Variants in MSH3 observed in about 807,000 individuals in gnomAD.
MSH3 encodes mutS homolog 3.
In MSH3, 106 loss-of-function variants were observed where a neutral mutation model predicts 123.3. The observed-to-expected ratio is 0.86, with a 90% CI of 0.73 to 1.01. The LOEUF (loss-of-function observed/expected upper bound fraction) is 1.01. Among genes scored for constraint, MSH3 ranks in the 50% least tolerant of loss-of-function variants. The pLI is 0.00. For missense variants in MSH3, 1,459 were observed against 1,347.6 expected (o/e 1.08, Z -1.29); for synonymous variants, 515 against 481.4 (o/e 1.07, Z -0.91).
intron 12 of MSH3, among the ~76,000 whole-genome samples, chr5:80,747,750 C>G (rs1186591332): frequency 6.6e-6 from 1 of 152,106 alleles, no homozygotes; most frequent in Non-Finnish European, 1.5e-5. Context: ...CAAATACTTA[C>G]CATTGTGTTA....
intron 21 of MSH3, among the ~76,000 whole-genome samples, chr5:80,859,185 A>G (rs1232099150): frequency 6.6e-6 from 1 of 152,078 alleles, no homozygotes; most frequent in East Asian, 1.9e-4. Flanking sequence ...CAGTGGTACA[A>G]TCTCAGCTCA....
chr5:80,778,271 T>C (rs1044638190), intron 16 of MSH3, among the ~76,000 whole-genome samples: 4 of 152,202 alleles, frequency 2.6e-5, no homozygotes, highest in African/African-American at 9.7e-5. Context: ...TTCTTTGTAA[T>C]GCTTTTTTAT....
intron 13 of MSH3, among the ~76,000 whole-genome samples, chr5:80,765,284 T>C (rs574930180): frequency 5.3e-5 from 8 of 152,142 alleles, no homozygotes; most frequent in Non-Finnish European, 1.2e-4. Flanking sequence ...ATATTGAAAA[T>C]GTTTGTGTTT....
chr5:80,668,580 A>G (rs1028490644), intron 3 of MSH3, among the ~76,000 whole-genome samples: 16 of 152,192 alleles, frequency 1.1e-4, no homozygotes, highest in South Asian at 4.1e-4. Flanking sequence ...CCAGGTTGCA[A>G]CAGTTCCTAG....
chr5:80,872,075 A>G (rs1471868112), intron 22 of MSH3, among the ~76,000 whole-genome samples: 1 of 152,230 alleles, frequency 6.6e-6, no homozygotes, highest in Non-Finnish European at 1.5e-5. Flanking sequence ...AGAATCCGGT[A>G]TGTATAGCTC....
intron 20 of MSH3, among the ~76,000 whole-genome samples, chr5:80,833,527 C>T (rs2112081511): frequency 6.6e-6 from 1 of 152,326 alleles, no homozygotes; most frequent in African/African-American, 2.4e-5. Flanking sequence ...ACTGCAACCT[C>T]CACCTCCCGG....
intron 20 of MSH3, among the ~76,000 whole-genome samples, chr5:80,834,482 ATATT>A (rs1296961103): frequency 6.7e-5 from 10 of 149,832 alleles, no homozygotes; most frequent in African/African-American, 1.9e-4. Flanking sequence ...TATGTTATAT[ATATT>A]TATCATAATT....
At chr5:80,753,591 A>G (rs540861366) in intron 12 of MSH3, among the ~76,000 whole-genome samples, 155 of 152,340 alleles carry the variant, frequency 1.0e-3, no homozygotes, top group African/African-American at 3.7e-3. Flanking sequence ...GTGTTCGTTA[A>G]CACAAAAGGC....
At chr5:80,811,771 T>C (rs562498312) in intron 19 of MSH3, among the ~76,000 whole-genome samples, 1 of 150,932 alleles carries the variant, frequency 6.6e-6, no homozygotes, top group Non-Finnish European at 1.5e-5. Flanking sequence ...AAAAAGGAGA[T>C]AGACATATTA....
chr5:80,763,760 T>G (rs1298186707), intron 13 of MSH3, among the ~76,000 whole-genome samples: 1 of 152,248 alleles, frequency 6.6e-6, no homozygotes, highest in Non-Finnish European at 1.5e-5. Context: ...CTTCCTGCCT[T>G]TTTGTAAACT....
chr5:80,835,005 AATGATTACT>A (rs1745484290), intron 20 of MSH3, among the ~76,000 whole-genome samples: 2 of 152,214 alleles, frequency 1.3e-5, no homozygotes, highest in Non-Finnish European at 2.9e-5. Context: ...AGGAGTATAA[AATGATTACT>A]AAGAACTTGT....
intron 20 of MSH3, among the ~76,000 whole-genome samples, chr5:80,822,827 T>C (rs1745224203): frequency 1.3e-5 from 2 of 152,236 alleles, no homozygotes; most frequent in African/African-American, 4.8e-5. Context: ...TCATGGAAGA[T>C]GCACATCCTC....
chr5:80,710,326 GA>G (rs1750834114), intron 8 of MSH3, among the ~76,000 whole-genome samples: 1 of 152,176 alleles, frequency 6.6e-6, no homozygotes, highest in South Asian at 2.1e-4. Context: ...AGCCTCTCAG[GA>G]AAAACACAGA....
At chr5:80,677,643 T>C (rs926739564) in intron 7 of MSH3, among the ~76,000 whole-genome samples, 1 of 152,186 alleles carries the variant, frequency 6.6e-6, no homozygotes, top group African/African-American at 2.4e-5. Flanking sequence ...GTCCATTCCC[T>C]CCAGAGGTGT....
chr5:80,742,874 G>A (rs769175364), intron 11 of MSH3, among the ~76,000 whole-genome samples: 16 of 152,078 alleles, frequency 1.1e-4, no homozygotes, highest in African/African-American at 1.7e-4. Flanking sequence ...TGCTTCTGCC[G>A]CATCTTCCCT....
At chr5:80,730,921 T>A (rs1466012564) in intron 10 of MSH3, among the ~76,000 whole-genome samples, 1 of 148,086 alleles carries the variant, frequency 6.8e-6, no homozygotes, top group African/African-American at 2.5e-5. Context: ...TTTTTTTTTT[T>A]AGATGGAGTC....
intron 15 of MSH3, 109 bp downstream of exon 15, chr5:80,769,112 T>G (rs569591728): frequency 2.1e-6 from 2 of 974,028 alleles, no homozygotes; most frequent in South Asian, 3.1e-5. Flanking sequence ...TTTTCAAATT[T>G]TCTGTTTTAT....
chr5:80,792,226 GACA>G (rs1242235738), intron 18 of MSH3, among the ~76,000 whole-genome samples: 1 of 151,838 alleles, frequency 6.6e-6, no homozygotes, highest in Non-Finnish European at 1.5e-5. Flanking sequence ...TTTGATCTCA[GACA>G]ACAATAGAAA....
chr5:80,781,691 C>T (rs949576242), intron 17 of MSH3, among the ~76,000 whole-genome samples: 3 of 152,102 alleles, frequency 2.0e-5, no homozygotes, highest in African/African-American at 2.4e-5. Flanking sequence ...TAATCTTGAA[C>T]TCCTGGGCTA....
Sources: allele counts gnomAD v4.1 joint callset (sites outside exome capture counted in the v4.1 genomes callset), GRCh38; gene constraint gnomAD v4.1.1; transcripts MANE v1.5; gene names NCBI Gene and HGNC (gene_info 2026-07-23, HGNC 2026-07-21).